Variants in PARD3 observed in about 807,000 individuals in gnomAD.
PARD3 encodes partitioning defective 3 homolog.
In PARD3, 75 loss-of-function variants were observed where a neutral mutation model predicts 155.4. The ratio of observed to expected loss-of-function variants is 0.48; its 90% CI spans 0.40 to 0.58. The LOEUF (loss-of-function observed/expected upper bound fraction) is 0.58. PARD3 is among the 20% of genes least tolerant of loss of function. The pLI is 0.00. For missense variants in PARD3, 1,642 were observed against 1,721.7 expected, an observed-to-expected ratio of 0.95 and a Z score of 0.82; for synonymous variants, 576 against 610.5, an observed-to-expected ratio of 0.94 and a Z score of 0.83.
intron 19 of PARD3, among the ~76,000 whole-genome samples, chr10:34,323,829 G>A (rs931703952): frequency 2.6e-5 from 4 of 152,106 alleles, no homozygotes; most frequent in African/African-American, 7.2e-5. Flanking sequence ...CTGAACCTTC[G>A]CAAATTCGCT....
intron 2 of PARD3, among the ~76,000 whole-genome samples, chr10:34,669,778 T>TA (rs893171515): frequency 9.2e-5 from 14 of 151,850 alleles, no homozygotes; most frequent in Non-Finnish European, 2.1e-4. Context: ...AAATGTGATT[T>TA]AAAAAAAAAT....
At chr10:34,601,268 GAAAAAAA>G (rs61230086) in intron 2 of PARD3, among the ~76,000 whole-genome samples, 25 of 123,168 alleles carry the variant, frequency 2.0e-4, no homozygotes, top group South Asian at 2.6e-4. Context: ...TCTCTACAAA[GAAAAAAA>G]AAAAAAAAAG....
intron 2 of PARD3, among the ~76,000 whole-genome samples, chr10:34,615,993 G>T (rs188331939): frequency 7.2e-5 from 11 of 152,248 alleles, no homozygotes; most frequent in Admixed American, 2.6e-4. Context: ...TGCACCCCTG[G>T]TGGGAATGCA....
At position 34,348,026 on chromosome 10, in the gene PARD3, G is replaced by A; in HGVS notation, c.2157C>T (p.Tyr719=). Residue 719 remains tyrosine, a synonymous_variant, in exon 15 of 25, where the codon TAC becomes TAT. Coordinates refer to ENST00000374788, the MANE Select transcript of PARD3 (RefSeq NM_001184785.2). ...DRERRISHSL[Y]SGIEGLDESP... ...ATTCATCAAGCCCCTCAATCCCACT[G>A]TAGAGGGAATGGGAAATTCTTCGTT... The A allele has an allele frequency of 6.2e-7, 1 of 1,612,930 alleles. No homozygotes were observed. The highest frequency in any genetic ancestry group is 1.3e-5 in the African/African-American group (1 of 75,020).
At chr10:34,231,141 T>TA (rs749972379) in intron 22 of PARD3, among the ~76,000 whole-genome samples, 10 of 151,962 alleles carry the variant, frequency 6.6e-5, no homozygotes, top group South Asian at 6.2e-4. Flanking sequence ...GACATCCACA[T>TA]ATATATACAT....
chr10:34,333,552 A>G (rs1032079640), intron 18 of PARD3, among the ~76,000 whole-genome samples: 45 of 152,082 alleles, frequency 3.0e-4, no homozygotes, highest in Non-Finnish European at 1.2e-4. Context: ...TACTCTCTGT[A>G]TATTTATGTA....
intron 1 of PARD3, among the ~76,000 whole-genome samples, chr10:34,797,696 A>G (rs937177070): frequency 5.9e-5 from 9 of 152,160 alleles, no homozygotes; most frequent in African/African-American, 1.9e-4. Flanking sequence ...AGAGGACATA[A>G]CCTGGCTCAA....
chr10:34,751,810 G>A lies in PARD3; in HGVS notation c.121-55391C>T, dbSNP rs191624814. Among the ~76,000 whole-genome samples the A allele has an allele frequency of 1.6e-3, 226 of 140,134 alleles. 3 individuals carry two copies. The highest frequency in any genetic ancestry group is 3.2e-3 in the East Asian group (15 of 4,654). The allele number at this position is 140,134 out of a possible 152,430, so 91.9% of individuals were successfully genotyped here. A position where few individuals can be genotyped will look rare whatever the true frequency, so the allele number is the denominator to read the frequency against. Reference sequence around the variant, plus strand: ...TTTAATAGAGATGAGGTCTTGCTATGTTGCCCAAGCTGGTCTCAAACTCCT... The same window carrying A: ...TTTAATAGAGATGAGGTCTTGCTATATTGCCCAAGCTGGTCTCAAACTCCT... On this transcript the variant is annotated intron_variant, in intron 1 of 24. Coordinates refer to ENST00000374788, the MANE Select transcript of PARD3 (RefSeq NM_001184785.2).
chr10:34,770,265 C>T (rs114851877), intron 1 of PARD3, among the ~76,000 whole-genome samples: 1,843 of 152,316 alleles, frequency 0.012, 31 homozygotes, highest in African/African-American at 0.042. Flanking sequence ...CTGGTTATGG[C>T]CAATCCATGA....
intron 20 of PARD3, among the ~76,000 whole-genome samples, chr10:34,290,974 A>G (rs570431493): frequency 6.6e-6 from 1 of 152,278 alleles, no homozygotes; most frequent in Non-Finnish European, 1.5e-5. Flanking sequence ...TTTTCATATC[A>G]TTCCTCTATT....
At chr10:34,442,510 C>T (rs189724329) in intron 5 of PARD3, among the ~76,000 whole-genome samples, 38 of 152,214 alleles carry the variant, frequency 2.5e-4, no homozygotes, top group Non-Finnish European at 4.6e-4. Flanking sequence ...CACAAGGAGG[C>T]GAGGCTACGC....
At chr10:34,360,729 G>C (rs1221068040) in intron 12 of PARD3, among the ~76,000 whole-genome samples, 2 of 152,038 alleles carry the variant, frequency 1.3e-5, no homozygotes, top group African/African-American at 2.4e-5. Flanking sequence ...AACAAATCCT[G>C]ATCATACAAA....
At chr10:34,656,733 G>A (rs1253845297) in intron 2 of PARD3, among the ~76,000 whole-genome samples, 1 of 152,156 alleles carries the variant, frequency 6.6e-6, no homozygotes, top group Non-Finnish European at 1.5e-5. Context: ...TGTACATGCT[G>A]GGAACTGAGA....
At chr10:34,794,416 A>G (rs1039290501) in intron 1 of PARD3, among the ~76,000 whole-genome samples, 5 of 152,234 alleles carry the variant, frequency 3.3e-5, no homozygotes, top group Non-Finnish European at 7.3e-5. Flanking sequence ...CAGGCACACA[A>G]AAGTTAATTT....
intron 21 of PARD3, among the ~76,000 whole-genome samples, chr10:34,282,705 T>A (rs1033729602): frequency 6.6e-6 from 1 of 152,142 alleles, no homozygotes; most frequent in African/African-American, 2.4e-5. Flanking sequence ...TATTTGCCTG[T>A]GGATGAATCT....
intron 2 of PARD3, among the ~76,000 whole-genome samples, chr10:34,623,710 G>C (rs1272200687): frequency 6.6e-6 from 1 of 150,812 alleles, no homozygotes; most frequent in Non-Finnish European, 1.5e-5. Context: ...GCCAGGTGCA[G>C]GGGCTCATGC....
rs140625977 is a variant in PARD3 at position 34,134,717 on chromosome 10, G to A, written c.3420-3134C>T. On this transcript the variant is annotated intron_variant, in intron 22 of 24. Transcript: ENST00000374788. ...CTAAGACTGGCAAAACCACTTAATG[G>A]CTGAAGTTGGAAAACAGGCTGCAAT... Among the ~76,000 whole-genome samples the A allele has an allele frequency of 2.3e-4, 35 of 151,736 alleles. No homozygotes were observed. The East Asian group carries it at 5.2e-3, about 23-fold the overall frequency.
At chr10:34,236,402 T>C (rs1220840525) in intron 22 of PARD3, among the ~76,000 whole-genome samples, 1 of 152,212 alleles carries the variant, frequency 6.6e-6, no homozygotes, top group African/African-American at 2.4e-5. Context: ...ACTAAAGTTT[T>C]CCACAACTAT....
chr10:34,212,546 C>G (rs775844467), intron 22 of PARD3, among the ~76,000 whole-genome samples: 1 of 152,132 alleles, frequency 6.6e-6, no homozygotes, highest in Non-Finnish European at 1.5e-5. Context: ...AGGGAAATAA[C>G]TCCCAATGTG....
Sources: gnomAD v4.1 joint callset for allele counts (sites outside exome capture counted in the v4.1 genomes callset) on GRCh38, gnomAD v4.1.1 for gene constraint, MANE v1.5 for transcripts, NCBI Gene and HGNC (gene_info 2026-07-23, HGNC 2026-07-21) for gene names.